Variants in TRIM37 observed in about 807,000 individuals in gnomAD.
TRIM37 encodes E3 ubiquitin-protein ligase TRIM37.
Under a neutral mutation model 129.8 loss-of-function variants are expected in TRIM37, and 80 were observed. The ratio of observed to expected loss-of-function variants is 0.62; its 90% CI spans 0.51 to 0.74. The LOEUF is 0.74. Ranked by LOEUF, TRIM37 falls within the 30% of genes least tolerant of loss-of-function variation. TRIM37 has a pLI of 0.00. For synonymous variants in TRIM37, 389 were observed against 387.1 expected, an observed-to-expected ratio of 1.00 and a Z score of -0.06; for missense variants, 1,054 against 1,176.5, an observed-to-expected ratio of 0.90 and a Z score of 1.52.
rs147618231 is a variant in TRIM37, at chr17:59,038,512, A to C, written c.1753+3301T>G. Among the ~76,000 whole-genome samples, 99 of 152,294 alleles carry C rather than the reference A, an allele frequency of 6.5e-4. 1 individual carries two copies. The South Asian group carries it at 9.3e-3, about 14-fold the overall frequency. On this transcript the variant is annotated intron_variant, in intron 17 of 23. Coordinates refer to ENST00000262294, the MANE Select transcript of TRIM37 (RefSeq NM_015294.6). ...TCAGAATTATAACATAGGCTCCATA[A>C]GAACAGGGATATCTTGTTATTCAAT... is the stretch of plus-strand genomic sequence containing the variant.
chr17:59,042,443 A>ATATATATATATATAT (rs1281091065), intron 16 of TRIM37, among the ~76,000 whole-genome samples: 16 of 50,190 alleles, frequency 3.2e-4, no homozygotes, highest in Non-Finnish European at 4.1e-4. Context: ...AAAAAAAAAA[A>ATATATATATATATAT]AAAAAAATAT....
At chr17:59,012,068 T>C (rs1369230504) in intron 22 of TRIM37, among the ~76,000 whole-genome samples, 1 of 152,208 alleles carries the variant, frequency 6.6e-6, no homozygotes, top group Non-Finnish European at 1.5e-5. Flanking sequence ...TATAGTAACT[T>C]ACCCATTTTG....
intron 2 of TRIM37, among the ~76,000 whole-genome samples, chr17:59,098,014 G>A (rs2045071016): frequency 6.6e-6 from 1 of 152,044 alleles, no homozygotes; most frequent in African/African-American, 2.4e-5. Flanking sequence ...AAAAGTTGGA[G>A]GACTCACACT....
In TRIM37 at chr17:59,070,892, A is replaced by T. The variant is rs1470987924; in HGVS notation, c.740T>A (p.Met247Lys). The stretch of plus-strand genomic sequence containing the variant: ...GGGCTTCCGATGAACTTGCTGAAAC[A>T]TCATAAGGATCTCTGAGCTCTTAGA... ...LISKSSEILM[M>K]FQQVHRKPMA... Residue 247 changes from methionine to lysine, a missense_variant, in exon 9 of 24, where the codon ATG (methionine) becomes AAG (lysine). This residue lies in a region of TRIM37 where 752 missense variants were observed against 870.8 expected (regional missense o/e 0.86). Coordinates refer to ENST00000262294, the MANE Select transcript of TRIM37 (RefSeq NM_015294.6). The T allele has an allele frequency of 4.3e-6, 7 of 1,614,026 alleles. No individual in the cohort carries two copies. In the Admixed American group the frequency reaches 1.2e-4, roughly 27 times the overall value.
intron 19 of TRIM37, among the ~76,000 whole-genome samples, chr17:59,025,575 C>T (rs1368142486): frequency 1.3e-5 from 2 of 151,976 alleles, no homozygotes; most frequent in African/African-American, 4.8e-5. Flanking sequence ...AGGACCCCTG[C>T]GTATACTAAA....
At chr17:59,066,232 TCTTCCCAGTATAGC>T (rs2041912158) in intron 9 of TRIM37, among the ~76,000 whole-genome samples, 1 of 151,978 alleles carries the variant, frequency 6.6e-6, no homozygotes, top group Non-Finnish European at 1.5e-5. Flanking sequence ...TCTAAGGGAG[TCTTCCCAGTATAGC>T]CTTCAAATTT....
intron 4 of TRIM37, among the ~76,000 whole-genome samples, chr17:59,084,764 T>C (rs967318403): frequency 2.0e-5 from 3 of 152,048 alleles, no homozygotes; most frequent in African/African-American, 4.8e-5. Flanking sequence ...AGGACTGGTG[T>C]CCTCTATAAA....
intron 19 of TRIM37, among the ~76,000 whole-genome samples, chr17:59,020,471 GA>G (rs1955130798): frequency 6.6e-6 from 1 of 151,476 alleles, no homozygotes; most frequent in African/African-American, 2.4e-5. Flanking sequence ...AAAAATTTAA[GA>G]AAATAGAATA....
At chr17:59,043,342 C>G (rs1437659078) in intron 16 of TRIM37, among the ~76,000 whole-genome samples, 4 of 152,124 alleles carry the variant, frequency 2.6e-5, no homozygotes, top group Admixed American at 2.6e-4. Flanking sequence ...GGAAATGGTC[C>G]CAAGGGCATA....
intron 13 of TRIM37, among the ~76,000 whole-genome samples, chr17:59,053,410 C>T (rs1376032131): frequency 2.0e-5 from 3 of 152,140 alleles, no homozygotes; most frequent in African/African-American, 4.8e-5. Flanking sequence ...AATTTACTTA[C>T]GGTGCTACTA....
At chr17:59,068,925 G>A (rs1401160336) in intron 9 of TRIM37, among the ~76,000 whole-genome samples, 2 of 152,138 alleles carry the variant, frequency 1.3e-5, no homozygotes, top group African/African-American at 4.8e-5. Context: ...GGTGGGGAGT[G>A]CTACTGGGAT....
downstream of TRIM37, among the ~76,000 whole-genome samples, chr17:58,995,490 A>C (rs1196202656): frequency 6.6e-6 from 1 of 152,178 alleles, no homozygotes; most frequent in Admixed American, 6.5e-5. Flanking sequence ...AATTAGAACA[A>C]GCCAAGCTAC....
rs114237221 is a variant in TRIM37 at position 59,000,810 on chromosome 17, C to T, written c.2812+788G>A. On this transcript the variant is annotated intron_variant, in intron 23 of 23. Coordinates refer to ENST00000262294, the MANE Select transcript of TRIM37 (RefSeq NM_015294.6). ...GTAGGCTAGAAAAGGAAAAAAAACC[C>T]AAACATCTGAAATCTCCCCAGGGAT... Among the ~76,000 whole-genome samples, 452 of 152,108 alleles carry T rather than the reference C, an allele frequency of 3.0e-3. 3 individuals are homozygous for T. Among genetic ancestry groups the T allele is most frequent in the African/African-American group, 0.011 (437 of 41,490 alleles).
At chr17:58,978,526 T>C (rs1249676503), downstream of TRIM37, among the ~76,000 whole-genome samples, 1 of 151,820 alleles carries the variant, frequency 6.6e-6, no homozygotes, top group African/African-American at 2.4e-5. Context: ...GCCTGGCCAA[T>C]ATGGTGAAAC....
intron 22 of TRIM37, among the ~76,000 whole-genome samples, chr17:59,010,277 TG>T (rs1259578188): frequency 1.3e-5 from 2 of 152,182 alleles, no homozygotes; most frequent in Non-Finnish European, 2.9e-5. Flanking sequence ...GAAACACTAC[TG>T]GTATCTAGTG....
chr17:59,045,963 C>T (rs1018640792), intron 16 of TRIM37, among the ~76,000 whole-genome samples: 2 of 151,962 alleles, frequency 1.3e-5, no homozygotes, highest in African/African-American at 2.4e-5. Context: ...TTGCAGTGAG[C>T]CAAGATCGTG....
intron 17 of TRIM37, among the ~76,000 whole-genome samples, chr17:59,040,033 G>C (rs1810734483): frequency 6.6e-6 from 1 of 151,904 alleles, no homozygotes; most frequent in African/African-American, 2.4e-5. Flanking sequence ...AAATAGCTGG[G>C]ACCACAGGCA....
At chr17:59,081,645 T>C (rs117322090) in intron 5 of TRIM37, among the ~76,000 whole-genome samples, 6,360 of 152,126 alleles carry the variant, frequency 0.042, 179 homozygotes, top group Non-Finnish European at 0.059. Flanking sequence ...TGGTGGCTCA[T>C]GCCTCTAATC....
In TRIM37 at chr17:59,049,297, G is replaced by T; in HGVS notation, c.1411C>A (p.Arg471=). 2 of 1,614,080 alleles carry T rather than the reference G, an allele frequency of 1.2e-6. No individual in the cohort carries two copies. Among genetic ancestry groups the T allele is most frequent in the Non-Finnish European group, 1.7e-6 (2 of 1,179,990 alleles). ...SPQNDDALET[R]AKKSACSDML... is the part of the protein sequence containing the mutation. ...TCAGAGCATGCAGACTTCTTAGCTC[G>T]TGTCTCCAGAGCATCATCATTTTGG... is the stretch of plus-strand genomic sequence containing the variant. Residue 471 remains arginine, a synonymous_variant, in exon 15 of 24, where the codon CGA becomes AGA. Transcript: ENST00000262294.
Sources: allele counts gnomAD v4.1 joint callset (sites outside exome capture counted in the v4.1 genomes callset), GRCh38; gene constraint gnomAD v4.1.1; regional missense constraint gnomAD v4.1.1; transcripts MANE v1.5; gene names NCBI Gene and HGNC (gene_info 2026-07-23, HGNC 2026-07-21).